CTNNA3: variants seen among roughly 807,000 people sequenced by gnomAD.
CTNNA3 encodes catenin alpha 3, also known as catenin alpha-3.
Under a neutral mutation model 95.7 loss-of-function variants are expected in CTNNA3, and 76 were observed. The observed-to-expected ratio is 0.79, with a 90% CI of 0.66 to 0.96. The LOEUF is 0.96. CTNNA3 is among the 40% of genes least tolerant of loss of function. The pLI, the probability that CTNNA3 is intolerant of heterozygous loss-of-function variation, is 0.00. For missense variants in CTNNA3, 1,191 were observed against 1,089.8 expected (o/e 1.09, Z -1.31); for synonymous variants, 431 against 374.4 (o/e 1.15, Z -1.74).
intron 13 of CTNNA3, among the ~76,000 whole-genome samples, chr10:66,268,131 A>G (rs1320127903): frequency 6.6e-6 from 1 of 152,160 alleles, no homozygotes. Flanking sequence ...TATGATAATA[A>G]GAGCACGATG....
chr10:66,043,493 T>C (rs2079752165), intron 15 of CTNNA3, among the ~76,000 whole-genome samples: 1 of 152,182 alleles, frequency 6.6e-6, no homozygotes, highest in African/African-American at 2.4e-5. Flanking sequence ...TCTTTTGCTA[T>C]AACAAATGAG....
intron 7 of CTNNA3, among the ~76,000 whole-genome samples, chr10:67,109,113 G>A (rs960613484): frequency 6.6e-6 from 1 of 152,156 alleles, no homozygotes; most frequent in African/African-American, 2.4e-5. Context: ...ACAACATGTA[G>A]AAAGGGTATA....
intron 11 of CTNNA3, among the ~76,000 whole-genome samples, chr10:66,400,183 T>TA (rs1423291867): frequency 4.6e-5 from 7 of 151,714 alleles, no homozygotes; most frequent in Admixed American, 4.6e-4. Context: ...AAAGAAAATA[T>TA]AAAAAATAGA....
At chr10:66,934,540 C>T (rs1847584967) in intron 7 of CTNNA3, among the ~76,000 whole-genome samples, 2 of 152,132 alleles carry the variant, frequency 1.3e-5, no homozygotes, top group East Asian at 3.9e-4. Flanking sequence ...CTATAAAACA[C>T]CTCTACAGTA....
rs10997662 is a variant in CTNNA3, at chr10:67,490,491, G to C, written c.579+31351C>G. 6.7e-3 allele frequency among the ~76,000 whole-genome samples: 1,017 copies of C among 152,176 alleles called. 10 individuals are homozygous for C. The highest frequency in any genetic ancestry group is 0.024 in the African/African-American group (980 of 41,530). ...ACAACCTAGATTTCAAATTACACGTGAATAAAAAATTAACACCAACTCTTA... is the reference window on the plus strand; with the variant it reads ...ACAACCTAGATTTCAAATTACACGTCAATAAAAAATTAACACCAACTCTTA... On this transcript the variant is annotated intron_variant, in intron 5 of 17. Coordinates refer to ENST00000433211, the MANE Select transcript of CTNNA3 (RefSeq NM_013266.4).
intron 1 of CTNNA3, among the ~76,000 whole-genome samples, chr10:67,727,002 T>C (rs1439921246): frequency 2.6e-5 from 3 of 113,586 alleles, no homozygotes; most frequent in East Asian, 2.5e-4. Context: ...TTATATATAA[T>C]ATATGATACA....
chr10:66,367,417 T>C (rs974061400), intron 12 of CTNNA3, among the ~76,000 whole-genome samples: 3 of 151,578 alleles, frequency 2.0e-5, no homozygotes, highest in African/African-American at 7.3e-5. Flanking sequence ...AAATCAATCA[T>C]TGACATGTTA....
intron 12 of CTNNA3, among the ~76,000 whole-genome samples, chr10:66,360,680 T>TTTTCTTTCTTTCTTTCC (rs2092654883): frequency 3.2e-5 from 2 of 63,126 alleles, no homozygotes; most frequent in Admixed American, 1.9e-4. Flanking sequence ...CCTTCCTTCC[T>TTTTCTTTCTTTCTTTCC]TCCTTCCTTC....
chr10:66,965,534 A>T (rs550459043), intron 7 of CTNNA3, among the ~76,000 whole-genome samples: 1 of 147,418 alleles, frequency 6.8e-6, no homozygotes, highest in East Asian at 2.0e-4. Flanking sequence ...ACTCCGTCTC[A>T]AAAAAGAAAG....
chr10:67,382,413 T>C (rs1439661630), intron 5 of CTNNA3, among the ~76,000 whole-genome samples: 3 of 152,168 alleles, frequency 2.0e-5, no homozygotes, highest in Admixed American at 6.5e-5. Flanking sequence ...AATACATGTA[T>C]AAAATAAGCA....
At chr10:66,395,920 A>G (rs1167240764) in intron 11 of CTNNA3, among the ~76,000 whole-genome samples, 2 of 151,994 alleles carry the variant, frequency 1.3e-5, no homozygotes, top group African/African-American at 4.8e-5. Context: ...TAATTTTTCA[A>G]TTCTTGCCCC....
At chr10:65,924,199 A>G (rs1474671713) in intron 17 of CTNNA3, among the ~76,000 whole-genome samples, 1 of 152,194 alleles carries the variant, frequency 6.6e-6, no homozygotes, top group Non-Finnish European at 1.5e-5. Context: ...TTTCCCATGT[A>G]GAGCCAGCAA....
chr10:67,085,572 TA>T (rs1413412179), intron 7 of CTNNA3, among the ~76,000 whole-genome samples: 1 of 152,032 alleles, frequency 6.6e-6, no homozygotes, highest in Non-Finnish European at 1.5e-5. Context: ...AGAAGTATTT[TA>T]TTGCATAAGA....
intron 15 of CTNNA3, among the ~76,000 whole-genome samples, chr10:66,023,561 T>C (rs1386299504): frequency 6.6e-6 from 1 of 152,164 alleles, no homozygotes; most frequent in Admixed American, 6.5e-5. Context: ...ATATAGATAT[T>C]AGATAAATTA....
chr10:67,351,076 A>G (rs1842617742), intron 5 of CTNNA3, among the ~76,000 whole-genome samples: 1 of 151,322 alleles, frequency 6.6e-6, no homozygotes, highest in Non-Finnish European at 1.5e-5. Context: ...CAACAAAGGG[A>G]TGAATCTCAA....
chr10:66,641,289 T>G (rs1426753707), intron 9 of CTNNA3, among the ~76,000 whole-genome samples: 1 of 152,132 alleles, frequency 6.6e-6, no homozygotes, highest in Non-Finnish European at 1.5e-5. Flanking sequence ...CCACCAATCT[T>G]GTGACACTTC....
intron 12 of CTNNA3, among the ~76,000 whole-genome samples, chr10:66,322,252 G>A (rs974176194): frequency 6.6e-6 from 1 of 152,008 alleles, no homozygotes; most frequent in Non-Finnish European, 1.5e-5. Flanking sequence ...ATAAACTATT[G>A]GAAAACTCGA....
At chr10:67,682,149 A>G (rs1840637451) in intron 1 of CTNNA3, among the ~76,000 whole-genome samples, 1 of 144,640 alleles carries the variant, frequency 6.9e-6, no homozygotes, top group South Asian at 2.2e-4. Flanking sequence ...CAAGAGCAAA[A>G]CCCCGTCTCA....
chr10:66,097,626 G>T (rs1165549104), intron 14 of CTNNA3, among the ~76,000 whole-genome samples: 1 of 152,052 alleles, frequency 6.6e-6, no homozygotes, highest in Non-Finnish European at 1.5e-5. Flanking sequence ...CATTACAGTA[G>T]TTCTATAAAA....
Sources: allele counts gnomAD v4.1 joint callset (sites outside exome capture counted in the v4.1 genomes callset), GRCh38; gene constraint gnomAD v4.1.1; transcripts MANE v1.5; gene names NCBI Gene and HGNC (gene_info 2026-07-23, HGNC 2026-07-21).